Variants in BTG3 observed in about 807,000 individuals in gnomAD.
BTG3 encodes BTG anti-proliferation factor 3, also known as protein BTG3.
A neutral mutation model predicts 25.8 loss-of-function variants in BTG3; 4 were observed. The ratio of observed to expected loss-of-function variants is 0.16; its 90% CI spans 0.08 to 0.36. The LOEUF is 0.36. Ranked by LOEUF, BTG3 falls within the 10% of genes least tolerant of loss-of-function variation. BTG3 has a pLI of 1.00. For missense variants in BTG3, 201 were observed against 304.9 expected (o/e 0.66, Z 2.54); for synonymous variants, 107 against 99.9 (o/e 1.07, Z -0.42).
intron 4 of BTG3, among the ~76,000 whole-genome samples, chr21:17,595,829 G>C (rs1447211948): frequency 6.6e-6 from 1 of 151,978 alleles, no homozygotes; most frequent in South Asian, 2.1e-4. Context: ...CTGAGTAATA[G>C]AAGAGTTACA....
chr21:17,594,109 A>C lies in BTG3; in HGVS notation c.743T>G (p.Met248Arg). Residue 248 changes from methionine (M) to arginine (R), a missense_variant, in exon 5 of 5, where the codon ATG becomes AGG. Around this residue, in one of 2 missense-constraint regions of BTG3, gnomAD observed 131 missense variants for 129.3 expected, o/e 1.01. Transcript: ENST00000348354. ...AAAACGAAGTTAGTGAGGTGCTAACATGTGAGGATTAATCCAGTGATTCCG... is the reference window on the plus strand; with the variant it reads ...AAAACGAAGTTAGTGAGGTGCTAACCTGTGAGGATTAATCCAGTGATTCCG... The part of the protein sequence containing the change: ...CDRNHWINPH[M>R]LAPH 1 of 1,613,038 alleles carries C rather than the reference A, an allele frequency of 6.2e-7. No homozygotes were observed. Among genetic ancestry groups the C allele is most frequent in the Non-Finnish European group, 8.5e-7 (1 of 1,179,274 alleles).
rs904882104 is a variant in BTG3, at chr21:17,604,154, AAGG to A, written c.311+703_311+705del. ...TCACTCAGTCACTTACATAATCAAA[AAGG>A]AGGAGGCCGGGCGCAGTGGCTCACG... On this transcript the variant is annotated intron_variant, in intron 3 of 4. Coordinates refer to ENST00000348354, the MANE Select transcript of BTG3 (RefSeq NM_006806.5). The A allele has an allele frequency of 3.1e-6, 4 of 1,281,438 alleles. No individual in the cohort carries two copies. In the African/African-American group the frequency reaches 6.3e-5, roughly 20 times the overall value. The allele number at this position is 1,281,438 out of a possible 1,614,324, so 79.4% of individuals were successfully genotyped here. A position where few individuals can be genotyped will look rare whatever the true frequency, so the allele number is the denominator to read the frequency against.
intron 3 of BTG3, chr21:17,604,070 C>A (rs1337000923): frequency 8.4e-7 from 1 of 1,190,192 alleles, no homozygotes. Context: ...TCTTTCACAA[C>A]TCTATTCATT....
At chr21:17,606,401 G>GT (rs2061643084) in intron 2 of BTG3, among the ~76,000 whole-genome samples, 1 of 152,082 alleles carries the variant, frequency 6.6e-6, no homozygotes, top group South Asian at 2.1e-4. Flanking sequence ...CAAAGGCAAA[G>GT]TGAGAAAAAT....
chr21:17,599,147 A>G lies in BTG3; in HGVS notation c.312-323T>C, dbSNP rs76568268. The G allele has an allele frequency of 5.8e-3, 1,369 of 236,588 alleles. 24 individuals are homozygous for G. Among genetic ancestry groups the G allele is most frequent in the African/African-American group, 0.029 (1,271 of 43,840 alleles). 14.7% of individuals were successfully genotyped at this position (236,588 alleles called of 1,614,324 possible). ...TTTGATTACATTTTTGTATGTACCA[A>G]TGAAATTGGTTGTACAATAAAACAT... On this transcript the variant is annotated intron_variant, in intron 3 of 4. Transcript: ENST00000348354.
chr21:17,594,406 G>A, intron 4 of BTG3, 74 bp from the exon 5 acceptor site: 1 of 1,502,120 alleles, frequency 6.7e-7, no homozygotes, highest in Non-Finnish European at 9.0e-7. Context: ...TCTCATTAAA[G>A]ACAAACAAAG....
chr21:17,611,293 A>C (rs2061719674), intron 1 of BTG3, among the ~76,000 whole-genome samples: 1 of 152,204 alleles, frequency 6.6e-6, no homozygotes, highest in Non-Finnish European at 1.5e-5. Flanking sequence ...ACACTAAAGA[A>C]ATGTACTGAA....
At chr21:17,609,335 A>C (rs2061687364) in intron 1 of BTG3, among the ~76,000 whole-genome samples, 183 bp from the exon 2 acceptor site, 1 of 152,198 alleles carries the variant, frequency 6.6e-6, no homozygotes, top group African/African-American at 2.4e-5. Flanking sequence ...AGGCCTTATT[A>C]TAAAATACTA....
chr21:17,608,915 C>A (rs968157664), intron 2 of BTG3, 57 bp downstream of exon 2: 3 of 1,545,250 alleles, frequency 1.9e-6, no homozygotes, highest in Admixed American at 3.9e-5. Flanking sequence ...AATCATCCGG[C>A]CTTGAACCCA....
intron 2 of BTG3, 131 bp from the exon 3 acceptor site, chr21:17,605,128 C>T: frequency 1.1e-5 from 11 of 1,022,572 alleles, no homozygotes; most frequent in Non-Finnish European, 1.5e-5. Context: ...AACCTAGGAG[C>T]ATATCTATCC....
At chr21:17,601,674 A>G (rs2061576153) in intron 3 of BTG3, among the ~76,000 whole-genome samples, 1 of 152,248 alleles carries the variant, frequency 6.6e-6, no homozygotes, top group Non-Finnish European at 1.5e-5. Flanking sequence ...GGAAGACTCA[A>G]CAAATTTCAA....
rs2061477322 is a variant in BTG3 at position 17,594,428 on chromosome 21, ACT to A, written c.520-98_520-97del. ...AAAGACAAACAAAGTTACCCACAAC[ACT>A]GAGATCACATCTAAGTGACACTCCT... On this transcript the variant is annotated intron_variant, in intron 4 of 4. Coordinates refer to ENST00000348354, the MANE Select transcript of BTG3 (RefSeq NM_006806.5). The A allele has an allele frequency of 5.0e-6, 7 of 1,396,178 alleles. No homozygotes were observed. In the South Asian group the frequency reaches 9.8e-5, roughly 19 times the overall value. 86.5% of individuals were successfully genotyped at this position (1,396,178 alleles called of 1,614,324 possible).
At chr21:17,599,533 A>G (rs1030439764) in intron 3 of BTG3, among the ~76,000 whole-genome samples, 1 of 150,370 alleles carries the variant, frequency 6.7e-6, no homozygotes, top group African/African-American at 2.5e-5. Flanking sequence ...CTGGAGTGCA[A>G]TGGGTGCAAT....
At chr21:17,608,605 A>C (rs939394795) in intron 2 of BTG3, among the ~76,000 whole-genome samples, 1 of 151,852 alleles carries the variant, frequency 6.6e-6, no homozygotes, top group Non-Finnish European at 1.5e-5. Context: ...TTTTAGATGC[A>C]AGATTCACTT....
At chr21:17,607,701 G>A (rs1027749736) in intron 2 of BTG3, among the ~76,000 whole-genome samples, 9 of 152,196 alleles carry the variant, frequency 5.9e-5, no homozygotes, top group African/African-American at 1.9e-4. Context: ...GTTGATTTGT[G>A]TAGGAAACTT....
rs146566076 is a variant in BTG3 at position 17,610,798 on chromosome 21, C to T, written c.-8-1646G>A. Among the ~76,000 whole-genome samples the T allele has an allele frequency of 4.0e-4, 61 of 152,348 alleles. 1 individual carries two copies. In the East Asian group the frequency reaches 9.6e-3, roughly 24 times the overall value. On this transcript the variant is annotated intron_variant, in intron 1 of 4. Transcript: ENST00000348354. ...AACCTAGCAGTAGTTTGTGTTCCCA[C>T]ATTTCCAAAAAAATAAAGCTGATTG...
At chr21:17,604,297 T>G (rs904644030) in intron 3 of BTG3, 7 of 249,256 alleles carry the variant, frequency 2.8e-5, no homozygotes, top group Non-Finnish European at 4.1e-5. Context: ...AAAAAAAAAT[T>G]AGCCGGGCAC....
At chr21:17,605,912 C>G (rs1480458692) in intron 2 of BTG3, among the ~76,000 whole-genome samples, 2 of 152,006 alleles carry the variant, frequency 1.3e-5, no homozygotes, top group Admixed American at 1.3e-4. Context: ...AGACCTGTAA[C>G]TATAAAACAT....
In BTG3 at chr21:17,593,990, C is replaced by A; in HGVS notation, c.*103G>T. The A allele has an allele frequency of 1.5e-6, 2 of 1,347,414 alleles. No individual in the cohort carries two copies. The allele number at this position is 1,347,414 out of a possible 1,614,324, so 83.5% of individuals were successfully genotyped here. On this transcript the variant is annotated 3_prime_UTR_variant, in exon 5 of 5. Coordinates refer to ENST00000348354, the MANE Select transcript of BTG3 (RefSeq NM_006806.5). Reference sequence around the variant, plus strand: ...TAAAAATAAGTTTGATGGTTTGGCCCATCTAACTTCACTACTATTAGTAAG... The same window carrying A: ...TAAAAATAAGTTTGATGGTTTGGCCAATCTAACTTCACTACTATTAGTAAG...
Sources: allele counts gnomAD v4.1 joint callset (sites outside exome capture counted in the v4.1 genomes callset), GRCh38; gene constraint gnomAD v4.1.1; regional missense constraint gnomAD v4.1.1; transcripts MANE v1.5; gene names NCBI Gene and HGNC (gene_info 2026-07-23, HGNC 2026-07-21).